The following LPGAT1 variants were observed in gnomAD, a reference collection of about 807,000 sequenced individuals.
LPGAT1 encodes acyl-CoA:lysophosphatidylglycerol acyltransferase 1.
In LPGAT1, 11 loss-of-function variants were observed where a neutral mutation model predicts 47.5. The observed-to-expected ratio is 0.23, with a 90% CI of 0.15 to 0.38. LPGAT1 has a LOEUF of 0.38. Among genes scored for constraint, LPGAT1 ranks in the 10% least tolerant of loss-of-function variants. The pLI is 1.00. For missense variants in LPGAT1, 293 were observed against 439.0 expected (o/e 0.67, Z 2.97); for synonymous variants, 138 against 144.2 (o/e 0.96, Z 0.31).
chr1:211,809,191 C>T lies in LPGAT1; in HGVS notation c.239-16001G>A, dbSNP rs140754452. Among the ~76,000 whole-genome samples, 374 of 151,206 alleles carry T rather than the reference C, an allele frequency of 2.5e-3. 4 individuals are homozygous for T. Among genetic ancestry groups the T allele is most frequent in the African/African-American group, 8.3e-3 (344 of 41,200 alleles). ...CTGCACTCCAGCCTGGGCGACAGTG[C>T]GAGACTCCAAAAAAAAAAAATTAAT... On this transcript the variant is annotated intron_variant, in intron 2 of 7. Coordinates refer to ENST00000366997, the MANE Select transcript of LPGAT1 (RefSeq NM_014873.3).
intron 5 of LPGAT1, among the ~76,000 whole-genome samples, chr1:211,780,804 T>C (rs908932077): frequency 2.0e-5 from 3 of 152,244 alleles, no homozygotes; most frequent in Admixed American, 6.5e-5. Context: ...ACAACCAAGA[T>C]GGATTAATGG....
intron 6 of LPGAT1, among the ~76,000 whole-genome samples, chr1:211,763,349 C>T (rs1035777926): frequency 2.6e-5 from 4 of 152,174 alleles, no homozygotes; most frequent in African/African-American, 9.7e-5. Context: ...AAGAGTGAGT[C>T]TGTTCTAAAA....
rs1657152332 is a variant in LPGAT1 at position 211,750,966 on chromosome 1, T to C, written c.956A>G (p.Glu319Gly). The part of the protein sequence containing the change: ...EKEDLLSHFY[E>G]TGAFPPSKGH... ...ATTTAAAGGTTACTGTGTACCTGTT[T>C]CATAAAAATGTGATAAGAGGTCTTC... Residue 319 changes from glutamate to glycine, a missense_variant, in exon 7 of 8, where the codon GAA (glutamate) becomes GGA (glycine). Physicochemically the swap from Glu to Gly is moderately conservative, Grantham distance 98. Transcript: ENST00000366997. 6.2e-7 allele frequency: 1 copy of C among 1,606,886 alleles called. No homozygotes were observed. Among genetic ancestry groups the C allele is most frequent in the Non-Finnish European group, 8.5e-7 (1 of 1,173,694 alleles).
At chr1:211,762,410 T>C (rs1657736462) in intron 6 of LPGAT1, among the ~76,000 whole-genome samples, 1 of 152,220 alleles carries the variant, frequency 6.6e-6, no homozygotes, top group Admixed American at 6.5e-5. Flanking sequence ...TGGGATATTC[T>C]CTTCTCTTAG....
intron 2 of LPGAT1, among the ~76,000 whole-genome samples, chr1:211,818,326 G>C (rs1346833582): frequency 6.6e-6 from 1 of 152,134 alleles, no homozygotes; most frequent in Non-Finnish European, 1.5e-5. Context: ...ACAAGAAGCA[G>C]GATCTTGGAT....
chr1:211,813,215 T>A (rs867757875), intron 2 of LPGAT1, among the ~76,000 whole-genome samples: 5 of 152,308 alleles, frequency 3.3e-5, no homozygotes, highest in Middle Eastern at 6.8e-3. Context: ...CATTTCATTA[T>A]CTCTTGGGGT....
Position 211,749,472 on chromosome 1 carries a change from T to G in LPGAT1, c.*427A>C, listed in dbSNP as rs190751021. 1 of 158,864 alleles carries G rather than the reference T, an allele frequency of 6.3e-6. No homozygotes were observed. The highest frequency in any genetic ancestry group is 2.4e-5 in the African/African-American group (1 of 41,636). 9.8% of individuals were successfully genotyped at this position (158,864 alleles called of 1,614,324 possible). On this transcript the variant is annotated 3_prime_UTR_variant, in exon 8 of 8. Coordinates refer to ENST00000366997, the MANE Select transcript of LPGAT1 (RefSeq NM_014873.3). ...GCCAACCAGCTCCCCTCAAGTTTAC[T>G]GAGTTGGTGGAAATGTGGGCGTTCT...
In LPGAT1 at chr1:211,749,720, T is replaced by C. The variant is rs1022095651; in HGVS notation, c.*179A>G. ...TAAAATATATTAGCAGGTCATTATATTACTAATCCTCATTTTAGTAGATTT... is the reference window on the plus strand; with the variant it reads ...TAAAATATATTAGCAGGTCATTATACTACTAATCCTCATTTTAGTAGATTT... On this transcript the variant is annotated 3_prime_UTR_variant, in exon 8 of 8. Transcript: ENST00000366997. 9 of 628,536 alleles carry C rather than the reference T, an allele frequency of 1.4e-5. No homozygotes were observed. The highest frequency in any genetic ancestry group is 2.2e-5 in the Non-Finnish European group (8 of 362,992). The allele number at this position is 628,536 out of a possible 1,614,324, so 38.9% of individuals were successfully genotyped here.
At chr1:211,767,659 A>G (rs1657974226) in intron 6 of LPGAT1, among the ~76,000 whole-genome samples, 2 of 152,218 alleles carry the variant, frequency 1.3e-5, no homozygotes, top group Admixed American at 1.3e-4. Flanking sequence ...ATGGAGGCAA[A>G]GCAATAAAAA....
intron 6 of LPGAT1, among the ~76,000 whole-genome samples, chr1:211,760,824 A>G (rs1046735157): frequency 6.6e-6 from 1 of 152,202 alleles, no homozygotes; most frequent in Non-Finnish European, 1.5e-5. Flanking sequence ...TATTCAGGAA[A>G]TCTAATTGTT....
chr1:211,830,680 G>A lies in LPGAT1; in HGVS notation c.-135C>T, dbSNP rs1452611100. 2.5e-6 allele frequency: 3 copies of A among 1,190,862 alleles called. No individual in the cohort carries two copies. Among genetic ancestry groups the A allele is most frequent in the African/African-American group, 3.2e-5 (2 of 62,624 alleles). The allele number at this position is 1,190,862 out of a possible 1,614,324, so 73.8% of individuals were successfully genotyped here. A position where few individuals can be genotyped will look rare whatever the true frequency, so the allele number is the denominator to read the frequency against. On this transcript the variant is annotated 5_prime_UTR_variant, in exon 1 of 8. Transcript: ENST00000366997. The surrounding 1 kb of genome is among the most constrained non-coding windows in gnomAD (Gnocchi z 5.9). ...GAAGGCGGTGGCGGGGCCCTGCCCC[G>A]CTCCGGCTGTGGCGCGGCCCGCGCC...
chr1:211,803,593 C>A (rs1370716617), intron 2 of LPGAT1, among the ~76,000 whole-genome samples: 5 of 152,072 alleles, frequency 3.3e-5, no homozygotes, highest in Non-Finnish European at 7.3e-5. Context: ...ATTATTAAAT[C>A]TAGGAACAAC....
In LPGAT1 at chr1:211,744,749, T is replaced by C. The variant is rs1656874809; in HGVS notation, c.*5150A>G. ...AATACATAATTTTCTCCCAGAAGAGTGAACTGCTAAACATTTACCAGCACA... is the reference window on the plus strand; with the variant it reads ...AATACATAATTTTCTCCCAGAAGAGCGAACTGCTAAACATTTACCAGCACA... On this transcript the variant is annotated 3_prime_UTR_variant, in exon 8 of 8. Coordinates refer to ENST00000366997, the MANE Select transcript of LPGAT1 (RefSeq NM_014873.3). 6.6e-6 allele frequency: 1 copy of C among 152,134 alleles called. No individual in the cohort carries two copies. The highest frequency in any genetic ancestry group is 6.5e-5 in the Admixed American group (1 of 15,284). The allele number at this position is 152,134 out of a possible 1,614,324, so 9.4% of individuals were successfully genotyped here. A position where few individuals can be genotyped will look rare whatever the true frequency, so the allele number is the denominator to read the frequency against.
intron 2 of LPGAT1, among the ~76,000 whole-genome samples, chr1:211,801,570 T>G (rs1047947969): frequency 4.0e-5 from 6 of 151,718 alleles, no homozygotes; most frequent in Non-Finnish European, 7.4e-5. Flanking sequence ...TAAAAGAACT[T>G]AACTGGGCAT....
rs563415280 is a variant in LPGAT1, at chr1:211,744,960, C to A, written c.*4939G>T. 64 of 152,680 alleles carry A rather than the reference C, an allele frequency of 4.2e-4. No individual in the cohort carries two copies. Among genetic ancestry groups the A allele is most frequent in the Non-Finnish European group, 1.5e-5 (1 of 68,016 alleles). The allele number at this position is 152,680 out of a possible 1,614,324, so 9.5% of individuals were successfully genotyped here. On this transcript the variant is annotated 3_prime_UTR_variant, in exon 8 of 8. Coordinates refer to ENST00000366997, the MANE Select transcript of LPGAT1 (RefSeq NM_014873.3). ...GTAAAACACACATGCCCCATCCCCA[C>A]TGCTAAGAATTAAAAGCACTTTAAT...
chr1:211,787,818 A>G, intron 3 of LPGAT1, 91 bp from the exon 4 acceptor site: 1 of 754,220 alleles, frequency 1.3e-6, no homozygotes, highest in Non-Finnish European at 2.2e-6. Context: ...TAATCATCCA[A>G]GCATACTTTT....
intron 6 of LPGAT1, among the ~76,000 whole-genome samples, chr1:211,770,095 C>CA (rs1457522970): frequency 6.6e-6 from 1 of 152,080 alleles, no homozygotes; most frequent in African/African-American, 2.4e-5. Context: ...GCTCTCATAA[C>CA]AAAAAATAAT....
At chr1:211,795,454 G>A (rs1377068813) in intron 2 of LPGAT1, among the ~76,000 whole-genome samples, 5 of 152,076 alleles carry the variant, frequency 3.3e-5, no homozygotes, top group South Asian at 2.1e-4. Context: ...CGCAACCTCC[G>A]ACTCCCAGGT....
Position 211,788,730 on chromosome 1 carries a change from C to A in LPGAT1, c.358-1003G>T, listed in dbSNP as rs559420525. 4.0e-5 allele frequency among the ~76,000 whole-genome samples: 6 copies of A among 151,542 alleles called. No homozygotes were observed. In the South Asian group the frequency reaches 1.3e-3, roughly 32 times the overall value. The stretch of plus-strand genomic sequence containing the variant: ...TACAAACGGGATCTAATTAATGAAT[C>A]GGTTAATTGTTCTTTCCTGCTGAGG... On this transcript the variant is annotated intron_variant, in intron 3 of 7. Transcript: ENST00000366997.
Sources: gnomAD v4.1 joint callset for allele counts (sites outside exome capture counted in the v4.1 genomes callset) on GRCh38, gnomAD v4.1.1 for gene constraint, Gnocchi (gnomAD v3.1) non-coding constraint, MANE v1.5 for transcripts, NCBI Gene and HGNC (gene_info 2026-07-23, HGNC 2026-07-21) for gene names.